The following HEATR5A variants were observed in gnomAD, a reference collection of about 807,000 sequenced individuals.
The protein encoded by HEATR5A is HEAT repeat containing 5A.
HEATR5A carries 178 observed loss-of-function variants against 218.8 expected under a neutral mutation model. The ratio of observed to expected loss-of-function variants is 0.81; its 90% CI spans 0.72 to 0.92. HEATR5A has a LOEUF of 0.92. Among genes scored for constraint, HEATR5A ranks in the 40% least tolerant of loss-of-function variants. The probability of loss-of-function intolerance (pLI) is 0.00; values close to 1 mark genes in which losing one functional copy is unlikely to be tolerated. For missense variants in HEATR5A, 2,420 were observed against 2,418.9 expected (o/e 1.00, Z -0.01); for synonymous variants, 864 against 871.6 (o/e 0.99, Z 0.15).
In HEATR5A at chr14:31,345,258, G is replaced by C. The variant is rs760121842; in HGVS notation, c.2887C>G (p.Leu963Val). Residue 963 changes from leucine to valine, a missense_variant, in exon 20 of 36, where the codon CTA (leucine) becomes GTA (valine). Leu to Val is a conservative substitution (Grantham distance 32, BLOSUM62 1). Transcript: ENST00000543095. ...CCAGCAGAATCAATGATCAATGATA[G>C]AGAATGTAATGCCCAGGTCTGTAAT... ...PDVQTWALHSLSLIIDSAGPL... is the reference protein window; with the variant it reads ...PDVQTWALHSVSLIIDSAGPL... 2 of 1,611,632 alleles carry C rather than the reference G, an allele frequency of 1.2e-6. No individual in the cohort carries two copies. Among genetic ancestry groups the C allele is most frequent in the Non-Finnish European group, 8.5e-7 (1 of 1,178,500 alleles).
At chr14:31,329,796 T>C (rs767346926) in intron 22 of HEATR5A, among the ~76,000 whole-genome samples, 3 of 152,186 alleles carry the variant, frequency 2.0e-5, no homozygotes, top group Non-Finnish European at 2.9e-5. Context: ...CACCGCAACC[T>C]CCACCTCCTA....
chr14:31,390,085 C>G (rs1342249682), intron 6 of HEATR5A, among the ~76,000 whole-genome samples: 1 of 151,924 alleles, frequency 6.6e-6, no homozygotes, highest in Non-Finnish European at 1.5e-5. Context: ...ATGAGGGTAT[C>G]TGGAGAAAAA....
intron 22 of HEATR5A, among the ~76,000 whole-genome samples, chr14:31,333,341 C>T (rs568193777): frequency 1.8e-4 from 28 of 152,070 alleles, no homozygotes; most frequent in African/African-American, 4.3e-4. Flanking sequence ...CTCTGCCTCC[C>T]GGGTTCAAGC....
At chr14:31,408,453 T>C (rs763299439) in intron 1 of HEATR5A, among the ~76,000 whole-genome samples, 3 of 152,184 alleles carry the variant, frequency 2.0e-5, no homozygotes, top group Admixed American at 6.5e-5. Context: ...AGAATGATAA[T>C]GCCTTTCTAG....
intron 13 of HEATR5A, 89 bp from the exon 14 acceptor site, chr14:31,364,387 T>A: frequency 1.6e-6 from 1 of 620,140 alleles, no homozygotes; most frequent in Non-Finnish European, 2.8e-6. Flanking sequence ...ACATATAAAT[T>A]AGCTATGTAT....
Position 31,364,255 on chromosome 14 carries a change from G to T in HEATR5A, c.2005C>A (p.Pro669Thr). The change falls in exon 14 of 36, where the codon CCG becomes ACG. Residue 669 changes from proline (P) to threonine (T), a missense_variant. Coordinates refer to ENST00000543095, the MANE Select transcript of HEATR5A (RefSeq NM_015473.4). The part of the protein sequence containing the change: ...LKMYGSPLKT[P>T]SVVYRQRLYE... ...AGTCTTTGTCTATAAACCACTGACG[G>T]TGTTTTCAAAGGACTTCCATACATT... is the stretch of plus-strand genomic sequence containing the variant. The T allele has an allele frequency of 6.4e-7, 1 of 1,553,338 alleles. No individual in the cohort carries two copies. The highest frequency in any genetic ancestry group is 8.7e-7 in the Non-Finnish European group (1 of 1,145,596).
Position 31,395,303 on chromosome 14 carries a change from T to G in HEATR5A, c.493A>C (p.Asn165His), listed in dbSNP as rs1487549477. 3 of 1,531,272 alleles carry G rather than the reference T, an allele frequency of 2.0e-6. No homozygotes were observed. In the South Asian group the frequency reaches 3.6e-5, roughly 18 times the overall value. The allele number at this position is 1,531,272 out of a possible 1,614,324, so 94.9% of individuals were successfully genotyped here. A position where few individuals can be genotyped will look rare whatever the true frequency, so the allele number is the denominator to read the frequency against. The change falls in exon 5 of 36, where the codon AAT becomes CAT. Residue 165 changes from asparagine to histidine, a missense_variant. Coordinates refer to ENST00000543095, the MANE Select transcript of HEATR5A (RefSeq NM_015473.4). ...EIMLSLQNIL[N>H]GLGAAAAPCH... ...GGTGCAGCGGCAGCTCCTAGTCCAT[T>G]CAATATATTTTGCAGACTTAGCATA...
chr14:31,322,817 TAAA>T (rs376742735), intron 24 of HEATR5A, among the ~76,000 whole-genome samples: 1 of 101,140 alleles, frequency 9.9e-6, no homozygotes, highest in African/African-American at 3.8e-5. Flanking sequence ...AAATGCTGTC[TAAA>T]AAAAAAAAAA....
chr14:31,332,072 A>C (rs1327569757), intron 22 of HEATR5A, among the ~76,000 whole-genome samples: 2 of 152,234 alleles, frequency 1.3e-5, no homozygotes, highest in Non-Finnish European at 2.9e-5. Flanking sequence ...CAAAAGGTTT[A>C]CGTGTGTATA....
intron 27 of HEATR5A, among the ~76,000 whole-genome samples, chr14:31,314,453 C>T (rs972599255): frequency 1.3e-5 from 2 of 151,882 alleles, no homozygotes; most frequent in Admixed American, 1.3e-4. Context: ...GACGGGGTTT[C>T]TCCATGTTGG....
rs1017724132 is a variant in HEATR5A, at chr14:31,400,549, A to G, written c.127-37T>C. On this transcript the variant is annotated intron_variant, in intron 2 of 35. Coordinates refer to ENST00000543095, the MANE Select transcript of HEATR5A (RefSeq NM_015473.4). ...GATAACACAAAGACAATTCAAAGTC[A>G]ATATAATTATCTGTAATCCCCTAAT... The G allele has an allele frequency of 3.0e-6, 4 of 1,326,636 alleles. No individual in the cohort carries two copies. In the African/African-American group the frequency reaches 5.9e-5, roughly 20 times the overall value. 82.2% of individuals were successfully genotyped at this position (1,326,636 alleles called of 1,614,324 possible).
chr14:31,302,653 T>C (rs1374962178), intron 32 of HEATR5A, 134 bp from the exon 33 acceptor site: 6 of 636,656 alleles, frequency 9.4e-6, no homozygotes, highest in South Asian at 2.1e-5. Context: ...GAATTATAAC[T>C]GTTAAGATAA....
At chr14:31,397,066 T>C (rs1566781965) in intron 4 of HEATR5A, among the ~76,000 whole-genome samples, 1 of 152,224 alleles carries the variant, frequency 6.6e-6, no homozygotes. Flanking sequence ...TTCAATCTTT[T>C]AGGAAACTAT....
Position 31,388,829 on chromosome 14 carries a change from G to C in HEATR5A, c.933+16C>G. On this transcript the variant is annotated intron_variant, in intron 7 of 35. Coordinates refer to ENST00000543095, the MANE Select transcript of HEATR5A (RefSeq NM_015473.4). ...CCAGTAAGAGTTAGACTGAGATACT[G>C]ATTTGTGATTCCAACCTGAGTAACT... 6.2e-7 allele frequency: 1 copy of C among 1,608,442 alleles called. No individual in the cohort carries two copies. The highest frequency in any genetic ancestry group is 1.1e-5 in the South Asian group (1 of 90,912).
At position 31,383,781 on chromosome 14, in the gene HEATR5A, T is replaced by C; in HGVS notation, c.1346-10A>G. The C allele has an allele frequency of 6.2e-7, 1 of 1,609,524 alleles. No individual in the cohort carries two copies. Among genetic ancestry groups the C allele is most frequent in the Non-Finnish European group, 8.5e-7 (1 of 1,177,768 alleles). On this transcript the variant is annotated splice_polypyrimidine_tract_variant and intron_variant, in intron 9 of 35. Coordinates refer to ENST00000543095, the MANE Select transcript of HEATR5A (RefSeq NM_015473.4). ...ATACTGTCAAGGAGACCTGGAAGGA[T>C]AAACAAATGATGACTTAGGTACATA...
intron 1 of HEATR5A, among the ~76,000 whole-genome samples, chr14:31,409,314 CTGGG>C (rs1424116560): frequency 1.3e-5 from 2 of 150,800 alleles, no homozygotes; most frequent in African/African-American, 2.4e-5. Context: ...TCCCAAAGTG[CTGGG>C]ATTACAGGCG....
Position 31,337,652 on chromosome 14 carries a change from T to A in HEATR5A, c.3229-38A>T, listed in dbSNP as rs374694479. 7.0e-5 allele frequency: 111 copies of A among 1,575,714 alleles called. No individual in the cohort carries two copies. The African/African-American group carries it at 8.2e-4, about 12-fold the overall frequency. ...ATTTGAGGAACGACAGAGCTAAAAT[T>A]CTTGTTGGCACTCAGTGAGTCTAAT... On this transcript the variant is annotated intron_variant, in intron 21 of 35. Coordinates refer to ENST00000543095, the MANE Select transcript of HEATR5A (RefSeq NM_015473.4).
chr14:31,413,217 C>G (rs1327682582), intron 1 of HEATR5A, among the ~76,000 whole-genome samples: 1 of 152,172 alleles, frequency 6.6e-6, no homozygotes, highest in Admixed American at 6.5e-5. Context: ...CAAATACACA[C>G]TGCTCTAAGA....
At chr14:31,324,239 G>A (rs1215526814) in intron 23 of HEATR5A, among the ~76,000 whole-genome samples, 1 of 152,116 alleles carries the variant, frequency 6.6e-6, no homozygotes, top group African/African-American at 2.4e-5. Context: ...GATTTCAGGA[G>A]GTTCCTGAAT....
Sources: allele counts gnomAD v4.1 joint callset (sites outside exome capture counted in the v4.1 genomes callset), GRCh38; gene constraint gnomAD v4.1.1; transcripts MANE v1.5; gene names NCBI Gene and HGNC (gene_info 2026-07-23, HGNC 2026-07-21).